DGKB: variants seen among roughly 807,000 people sequenced by gnomAD.
The protein encoded by DGKB is diacylglycerol kinase beta.
In DGKB, 67 loss-of-function variants were observed where a neutral mutation model predicts 114.3. That is an observed-to-expected ratio of 0.59 (90% CI 0.48 to 0.72). The LOEUF is 0.72. Among genes scored for constraint, DGKB ranks in the 30% least tolerant of loss-of-function variants. The pLI is 0.00. For missense variants in DGKB, 907 were observed against 975.2 expected (o/e 0.93, Z 0.93); for synonymous variants, 398 against 323.1 (o/e 1.23, Z -2.49).
chr7:14,402,071 G>A (rs189879216), intron 21 of DGKB, among the ~76,000 whole-genome samples: 1 of 151,430 alleles, frequency 6.6e-6, no homozygotes, highest in East Asian at 1.9e-4. Context: ...ACAGATTCTT[G>A]GGCAGGGGCT....
intron 13 of DGKB, among the ~76,000 whole-genome samples, chr7:14,630,747 C>A (rs1285669994): frequency 6.6e-6 from 1 of 151,874 alleles, no homozygotes; most frequent in Non-Finnish European, 1.5e-5. Context: ...TCCATTAATA[C>A]CAGTAAAAGA....
chr7:14,925,088 T>C (rs1037343737), intron 1 of DGKB, among the ~76,000 whole-genome samples: 6 of 152,234 alleles, frequency 3.9e-5, no homozygotes, highest in Middle Eastern at 3.2e-3. Context: ...ACTCAAGTTT[T>C]TTATGTATTA....
intron 19 of DGKB, among the ~76,000 whole-genome samples, chr7:14,574,613 T>C (rs1331135549): frequency 6.6e-6 from 1 of 152,178 alleles, no homozygotes; most frequent in Non-Finnish European, 1.5e-5. Flanking sequence ...TCTCAGCATA[T>C]ACAACTGCCA....
intron 21 of DGKB, among the ~76,000 whole-genome samples, chr7:14,386,847 C>T (rs116888140): frequency 0.055 from 8,413 of 151,982 alleles, 319 homozygotes; most frequent in South Asian, 0.091. Context: ...TTATTTACAT[C>T]AATTAAAGTA....
chr7:14,204,566 C>A, intron 23 of DGKB, among the ~76,000 whole-genome samples: 1 of 152,086 alleles, frequency 6.6e-6, no homozygotes, highest in Admixed American at 6.6e-5. Context: ...AGGGCTTATG[C>A]TTTTTGATGA....
At chr7:14,642,348 CT>C (rs1811968462) in intron 13 of DGKB, among the ~76,000 whole-genome samples, 1 of 151,984 alleles carries the variant, frequency 6.6e-6, no homozygotes, top group African/African-American at 2.4e-5. Context: ...ATCTGCCATC[CT>C]TTTTCTTTAT....
intron 19 of DGKB, among the ~76,000 whole-genome samples, chr7:14,574,609 C>T (rs928673862): frequency 2.6e-5 from 4 of 152,140 alleles, no homozygotes. Context: ...AAATTCTCAG[C>T]ATATACAACT....
chr7:14,601,462 G>A (rs976340564), intron 17 of DGKB, among the ~76,000 whole-genome samples: 1 of 151,732 alleles, frequency 6.6e-6, no homozygotes, highest in African/African-American at 2.4e-5. Context: ...AACTTTCATT[G>A]GTAACACCCT....
At chr7:14,238,274 C>T (rs777004947) in intron 23 of DGKB, among the ~76,000 whole-genome samples, 1 of 151,958 alleles carries the variant, frequency 6.6e-6, no homozygotes, top group Non-Finnish European at 1.5e-5. Flanking sequence ...TTCATAAGAT[C>T]TGACGGTTTA....
At chr7:14,308,543 G>A (rs868528226) in intron 23 of DGKB, among the ~76,000 whole-genome samples, 3 of 152,020 alleles carry the variant, frequency 2.0e-5, no homozygotes, top group Non-Finnish European at 4.4e-5. Flanking sequence ...GTAATATTGA[G>A]GCATAATTAT....
chr7:14,547,710 G>A (rs985121355), intron 20 of DGKB, among the ~76,000 whole-genome samples: 1 of 151,912 alleles, frequency 6.6e-6, no homozygotes, highest in African/African-American at 2.4e-5. Flanking sequence ...CCTTAGCTGT[G>A]ATACATTTTG....
chr7:14,524,622 G>T (rs957134340), intron 20 of DGKB, among the ~76,000 whole-genome samples: 1 of 151,958 alleles, frequency 6.6e-6, no homozygotes, highest in African/African-American at 2.4e-5. Flanking sequence ...TGGGCATGGT[G>T]GTATGTGCCT....
intron 23 of DGKB, among the ~76,000 whole-genome samples, chr7:14,232,812 A>G (rs1792115676): frequency 6.6e-6 from 1 of 152,020 alleles, no homozygotes; most frequent in Non-Finnish European, 1.5e-5. Context: ...TTGTAAGACA[A>G]AAAAGTGCTC....
chr7:14,212,524 T>C (rs1041957871), intron 23 of DGKB, among the ~76,000 whole-genome samples: 2 of 152,136 alleles, frequency 1.3e-5, no homozygotes, highest in African/African-American at 4.8e-5. Context: ...AATTCAAGGA[T>C]GGAATTATGC....
At chr7:14,598,896 T>G (rs1013608734) in intron 17 of DGKB, among the ~76,000 whole-genome samples, 18 of 152,180 alleles carry the variant, frequency 1.2e-4, no homozygotes, top group Non-Finnish European at 2.2e-4. Context: ...GCATTTCTGA[T>G]TGGTATATTT....
intron 20 of DGKB, among the ~76,000 whole-genome samples, chr7:14,567,859 G>A (rs1236417801): frequency 6.6e-6 from 1 of 151,742 alleles, no homozygotes; most frequent in Admixed American, 6.6e-5. Flanking sequence ...TGCCTTCCTT[G>A]GCCTCCCAAA....
At chr7:14,763,032 T>C (rs985252164) in intron 2 of DGKB, among the ~76,000 whole-genome samples, 2 of 152,130 alleles carry the variant, frequency 1.3e-5, no homozygotes, top group African/African-American at 4.8e-5. Flanking sequence ...TGTGTCAAAA[T>C]ATGATCCAAA....
chr7:14,745,423 A>G (rs10224469), intron 4 of DGKB, among the ~76,000 whole-genome samples: 1,747 of 152,298 alleles, frequency 0.011, 31 homozygotes, highest in African/African-American at 0.039. Flanking sequence ...TAGAGGGAAG[A>G]ATAATAGAAG....
chr7:14,585,664 C>G (rs1584965654), intron 17 of DGKB, among the ~76,000 whole-genome samples: 1 of 152,176 alleles, frequency 6.6e-6, no homozygotes, highest in East Asian at 1.9e-4. Flanking sequence ...TTAGCAGATA[C>G]TGCATTTTTT....
Sources: gnomAD v4.1 joint callset for allele counts (sites outside exome capture counted in the v4.1 genomes callset) on GRCh38, gnomAD v4.1.1 for gene constraint, MANE v1.5 for transcripts, NCBI Gene and HGNC (gene_info 2026-07-23, HGNC 2026-07-21) for gene names.